PCDHGA3: variants seen among roughly 807,000 people sequenced by gnomAD.
PCDHGA3 encodes the protein protocadherin gamma-A3.
PCDHGA3 carries 40 observed loss-of-function variants against 58.5 expected under a neutral mutation model. The observed-to-expected ratio is 0.68, with a 90% CI of 0.53 to 0.89. The LOEUF is 0.89. Among genes scored for constraint, PCDHGA3 ranks in the 40% least tolerant of loss-of-function variants. The pLI, the probability that PCDHGA3 is intolerant of heterozygous loss-of-function variation, is 0.00. For missense variants in PCDHGA3, 1,223 were observed against 1,195.9 expected, an observed-to-expected ratio of 1.02 and a Z score of -0.33; for synonymous variants, 530 against 525.7, an observed-to-expected ratio of 1.01 and a Z score of -0.11.
chr5:141,347,994 C>G (rs937377078), intron 1 of PCDHGA3, among the ~76,000 whole-genome samples: 1 of 152,194 alleles, frequency 6.6e-6, no homozygotes, highest in Non-Finnish European at 1.5e-5. Context: ...AGGAATATGT[C>G]TCAGCCTCTG....
At position 141,395,542 on chromosome 5, in the gene PCDHGA3, T is replaced by TTG. The variant is rs55729045; in HGVS notation, c.2424+49133_2424+49134dup. On this transcript the variant is annotated intron_variant, in intron 1 of 3. Transcript: ENST00000253812. ...TCCATACTGGTAATTTTGCTATTGT[T>TTG]TGTGTGTGTGTGTGTGTGTGTGTGT... 1.5e-3 allele frequency: 267 copies of TTG among 172,614 alleles called. 1 individual carries two copies. The highest frequency in any genetic ancestry group is 2.3e-3 in the African/African-American group (40 of 17,550). The allele number at this position is 172,614 out of a possible 1,614,324, so 10.7% of individuals were successfully genotyped here.
chr5:141,375,944 C>G (rs1365248346), intron 1 of PCDHGA3: 6 of 1,613,500 alleles, frequency 3.7e-6, no homozygotes, highest in Non-Finnish European at 5.1e-6. Flanking sequence ...CTCAGTGGGC[C>G]TGCACACGGG....
At position 141,431,418 on chromosome 5, in the gene PCDHGA3, C is replaced by G. The variant is rs571505529; in HGVS notation, c.2425-63389C>G. On this transcript the variant is annotated intron_variant, in intron 1 of 3. Transcript: ENST00000253812. The surrounding 1 kb of genome is among the most constrained non-coding windows in gnomAD (Gnocchi z 4.8). ...CTTACGGCCTCCGACGGGGGCGACC[C>G]GGTGCGCACAGGCACCGCGCGCATC... is the stretch of plus-strand genomic sequence containing the variant. 6.8e-6 allele frequency: 11 copies of G among 1,613,588 alleles called. No homozygotes were observed. In the South Asian group the frequency reaches 1.1e-4, roughly 16 times the overall value.
intron 1 of PCDHGA3, chr5:141,419,577 C>T: frequency 3.7e-6 from 6 of 1,611,732 alleles, no homozygotes; most frequent in Non-Finnish European, 5.1e-6. Flanking sequence ...GACGGCTCCG[C>T]GCTCTTCGAC....
Position 141,371,593 on chromosome 5 carries a change from A to C in PCDHGA3, c.2424+25136A>C, listed in dbSNP as rs758082937. The C allele has an allele frequency of 1.2e-6, 2 of 1,613,972 alleles. No individual in the cohort carries two copies. The highest frequency in any genetic ancestry group is 1.7e-6 in the Non-Finnish European group (2 of 1,179,876). The stretch of plus-strand genomic sequence containing the variant: ...TTTAAAATCGTTCAAGATACCAAAA[A>C]CACATACAGGTTGGTGACAGATGGA... On this transcript the variant is annotated intron_variant, in intron 1 of 3. Coordinates refer to ENST00000253812, the MANE Select transcript of PCDHGA3 (RefSeq NM_018916.4).
chr5:141,357,262 G>A, intron 1 of PCDHGA3: 1 of 1,613,786 alleles, frequency 6.2e-7, no homozygotes, highest in East Asian at 2.2e-5. Context: ...AGACGACTCG[G>A]GCCTCACACT....
At chr5:141,419,959 T>C (rs765017440) in intron 1 of PCDHGA3, 5 of 1,614,104 alleles carry the variant, frequency 3.1e-6, no homozygotes, top group Non-Finnish European at 3.4e-6. Flanking sequence ...CCTTGATTTC[T>C]GTGCTCTTTC....
intron 1 of PCDHGA3, chr5:141,364,640 G>T: frequency 6.2e-7 from 1 of 1,614,130 alleles, no homozygotes; most frequent in Non-Finnish European, 8.5e-7. Context: ...ACTGTGTGTG[G>T]TGAACTTTAA....
intron 1 of PCDHGA3, chr5:141,370,168 C>T (rs890245618): frequency 2.2e-6 from 1 of 458,196 alleles, no homozygotes; most frequent in East Asian, 3.2e-5. Flanking sequence ...GCAGCAGAGG[C>T]GCCGGGTGCC....
At position 141,485,229 on chromosome 5, in the gene PCDHGA3, TC is replaced by T; in HGVS notation, c.2425-9576del. On this transcript the variant is annotated intron_variant, in intron 1 of 3. Transcript: ENST00000253812. The surrounding 1 kb of genome is among the most constrained non-coding windows in gnomAD (Gnocchi z 5.7). ...ATCTGGCGGTGGGCTACCCTTTTGT[TC>T]CTCTTTTACCACCTGGGTTACGTTT... 6.2e-7 allele frequency: 1 copy of T among 1,614,160 alleles called. No homozygotes were observed. The highest frequency in any genetic ancestry group is 8.5e-7 in the Non-Finnish European group (1 of 1,180,022).
chr5:141,423,782 C>A (rs1458189260), intron 1 of PCDHGA3: 2 of 1,243,328 alleles, frequency 1.6e-6, no homozygotes, highest in Non-Finnish European at 1.0e-6. Context: ...ATATTTAGTT[C>A]ATATATATTT....
chr5:141,385,593 C>T lies in PCDHGA3; in HGVS notation c.2424+39136C>T. On this transcript the variant is annotated intron_variant, in intron 1 of 3. Transcript: ENST00000253812. ...ACTTTCCAATCTATGTTCCAACCTA[C>T]TTTCTTAACTCATATATTTTATACA... is the stretch of plus-strand genomic sequence containing the variant. The T allele has an allele frequency of 2.4e-6, 3 of 1,235,054 alleles. No individual in the cohort carries two copies. The South Asian group carries it at 7.5e-5, about 31-fold the overall frequency. The allele number at this position is 1,235,054 out of a possible 1,614,324, so 76.5% of individuals were successfully genotyped here. A position where few individuals can be genotyped will look rare whatever the true frequency, so the allele number is the denominator to read the frequency against.
chr5:141,491,438 G>A lies in PCDHGA3; in HGVS notation c.2425-3369G>A, dbSNP rs376927300. The A allele has an allele frequency of 3.7e-6, 6 of 1,614,066 alleles. No homozygotes were observed. Among genetic ancestry groups the A allele is most frequent in the Admixed American group, 1.7e-5 (1 of 60,016 alleles). On this transcript the variant is annotated intron_variant, in intron 1 of 3. Coordinates refer to ENST00000253812, the MANE Select transcript of PCDHGA3 (RefSeq NM_018916.4). This position sits in a 1 kb window ranked among gnomAD's most constrained non-coding sequence, Gnocchi z 6.9. ...GGGGGTGGAGGGCAGTGCTGCAGGC[G>A]CCAGGACTCACCCTCCCCGGACTTC...
At chr5:141,422,281 T>C in intron 1 of PCDHGA3, 1 of 1,557,044 alleles carries the variant, frequency 6.4e-7, no homozygotes, top group Middle Eastern at 1.7e-4. Context: ...AACTATCACC[T>C]CTTCTATTAA....
rs746989617 is a variant in PCDHGA3 at position 141,422,853 on chromosome 5, C to G, written c.2425-71954C>G. On this transcript the variant is annotated intron_variant, in intron 1 of 3. Transcript: ENST00000253812. ...TAGCACGTGACAGCGGGGACCCGCC[C>G]CTCAGCAGCAACGTGTCGCTGAGCC... 16 of 1,614,146 alleles carry G rather than the reference C, an allele frequency of 9.9e-6. 1 individual carries two copies. In the South Asian group the frequency reaches 1.6e-4, roughly 17 times the overall value.
At chr5:141,498,670 G>A (rs1266576450) in intron 2 of PCDHGA3, among the ~76,000 whole-genome samples, 1 of 152,066 alleles carries the variant, frequency 6.6e-6, no homozygotes, top group Non-Finnish European at 1.5e-5. Flanking sequence ...GGTGGCTCAC[G>A]CCTGTAATCC....
rs548823035 is a variant in PCDHGA3 at position 141,499,447 on chromosome 5, C to T, written c.2483+4582C>T. ...AGAAAAAAAATTAAAAGGAAAACCA[C>T]CCATCATTTTACAATCTAGGGAGAA... On this transcript the variant is annotated intron_variant, in intron 2 of 3. Transcript: ENST00000253812. Among the ~76,000 whole-genome samples the T allele has an allele frequency of 3.8e-4, 58 of 152,250 alleles. 1 individual carries two copies. In the East Asian group the frequency reaches 9.1e-3, roughly 24 times the overall value.
rs543209695 is a variant in PCDHGA3 at position 141,431,563 on chromosome 5, C to T, written c.2425-63244C>T. 24 of 1,614,026 alleles carry T rather than the reference C, an allele frequency of 1.5e-5. No individual in the cohort carries two copies. Among genetic ancestry groups the T allele is most frequent in the Non-Finnish European group, 1.9e-5 (23 of 1,180,046 alleles). ...AGCTGCTTGTAGTCAACGCTACCGA[C>T]CCTGACGAAGGAGTCAATGCGGAAG... On this transcript the variant is annotated intron_variant, in intron 1 of 3. Transcript: ENST00000253812. The surrounding 1 kb of genome is among the most constrained non-coding windows in gnomAD (Gnocchi z 4.8).
chr5:141,390,124 C>T (rs369369148), intron 1 of PCDHGA3: 24 of 1,613,924 alleles, frequency 1.5e-5, no homozygotes, highest in Non-Finnish European at 1.9e-5. Context: ...GGGACTTTGC[C>T]TTATTCCTAC....
Sources: gnomAD v4.1 joint callset for allele counts (sites outside exome capture counted in the v4.1 genomes callset) on GRCh38, gnomAD v4.1.1 for gene constraint, Gnocchi (gnomAD v3.1) non-coding constraint, MANE v1.5 for transcripts, NCBI Gene and HGNC (gene_info 2026-07-23, HGNC 2026-07-21) for gene names.